The following HTR1F variants were observed in gnomAD, a reference collection of about 807,000 sequenced individuals.
HTR1F encodes the protein 5-hydroxytryptamine (serotonin) receptor 1F, G protein-coupled.
Under a neutral mutation model 24.0 loss-of-function variants are expected in HTR1F, and 17 were observed. That is an observed-to-expected ratio of 0.71 (90% CI 0.48 to 1.06). The LOEUF (loss-of-function observed/expected upper bound fraction) is 1.06. Among genes scored for constraint, HTR1F ranks in the 50% least tolerant of loss-of-function variants. The pLI is 0.00. For synonymous variants in HTR1F, 186 were observed against 156.8 expected, an observed-to-expected ratio of 1.19 and a Z score of -1.39; for missense variants, 391 against 427.8, an observed-to-expected ratio of 0.91 and a Z score of 0.76.
intron 2 of HTR1F, among the ~76,000 whole-genome samples, chr3:87,931,303 G>C (rs1331402433): frequency 2.0e-5 from 3 of 151,932 alleles, no homozygotes; most frequent in South Asian, 2.1e-4. Flanking sequence ...GCGGTGTTTG[G>C]TTTTTTGTCC....
At chr3:87,811,163 T>A (rs563425886) in intron 1 of HTR1F, among the ~76,000 whole-genome samples, 23 of 152,242 alleles carry the variant, frequency 1.5e-4, no homozygotes, top group African/African-American at 5.5e-4. Flanking sequence ...TGAACCATAG[T>A]GGCAAAATTG....
At chr3:87,885,651 A>T (rs560461321) in intron 2 of HTR1F, among the ~76,000 whole-genome samples, 1 of 152,288 alleles carries the variant, frequency 6.6e-6, no homozygotes, top group South Asian at 2.1e-4. Flanking sequence ...AAAATGATAA[A>T]GGGGATATCA....
intron 1 of HTR1F, among the ~76,000 whole-genome samples, chr3:87,803,618 A>T (rs1470250967): frequency 2.0e-5 from 3 of 152,182 alleles, no homozygotes; most frequent in Non-Finnish European, 4.4e-5. Flanking sequence ...CATAAGATAC[A>T]AAATATGTAC....
intron 2 of HTR1F, among the ~76,000 whole-genome samples, chr3:87,868,690 G>A (rs933847168): frequency 1.3e-5 from 2 of 151,848 alleles, no homozygotes; most frequent in African/African-American, 4.8e-5. Flanking sequence ...AAAAACCTCT[G>A]TCTACTATTA....
intron 2 of HTR1F, among the ~76,000 whole-genome samples, chr3:87,840,608 A>C: frequency 6.6e-6 from 1 of 152,162 alleles, no homozygotes; most frequent in Admixed American, 6.5e-5. Context: ...GTATACCCAA[A>C]GTACTTGAAA....
At chr3:87,939,128 A>G (rs1222223168) in intron 2 of HTR1F, among the ~76,000 whole-genome samples, 1 of 152,222 alleles carries the variant, frequency 6.6e-6, no homozygotes, top group East Asian at 1.9e-4. Context: ...CTATTGAGAT[A>G]ATCGTGTAGT....
intron 2 of HTR1F, among the ~76,000 whole-genome samples, chr3:87,907,837 CAAAG>C (rs923350802): frequency 1.3e-5 from 2 of 151,706 alleles, no homozygotes; most frequent in African/African-American, 4.8e-5. Context: ...AATGGAATAG[CAAAG>C]AAAGAATAAT....
At chr3:87,905,467 CT>C (rs1008695273) in intron 2 of HTR1F, among the ~76,000 whole-genome samples, 1 of 151,912 alleles carries the variant, frequency 6.6e-6, no homozygotes, top group South Asian at 2.1e-4. Context: ...TATACATTTT[CT>C]TTTTCCTCAT....
intron 2 of HTR1F, among the ~76,000 whole-genome samples, chr3:87,927,242 A>T (rs1704147689): frequency 1.3e-5 from 2 of 152,216 alleles, no homozygotes; most frequent in South Asian, 2.1e-4. Context: ...GTTAAAAGAC[A>T]GTTATGTCCT....
chr3:87,993,814 T>C lies in HTR1F; in HGVS notation c.*1964T>C, dbSNP rs1705888850. 6.2e-6 allele frequency: 1 copy of C among 161,034 alleles called. No homozygotes were observed. The allele number at this position is 161,034 out of a possible 1,614,324, so 10.0% of individuals were successfully genotyped here. A position where few individuals can be genotyped will look rare whatever the true frequency, so the allele number is the denominator to read the frequency against. On this transcript the variant is annotated 3_prime_UTR_variant, in exon 3 of 3. Coordinates refer to ENST00000319595, the MANE Select transcript of HTR1F (RefSeq NM_001322209.2). ...ACTTTTAGCAAAAATATTACAAGTT[T>C]AGAGCAAATCTAAACAAAAAAGAAA...
intron 1 of HTR1F, among the ~76,000 whole-genome samples, chr3:87,796,883 A>G (rs972070706): frequency 1.1e-4 from 17 of 152,228 alleles, no homozygotes; most frequent in African/African-American, 4.1e-4. Context: ...TAAAAATAAT[A>G]ATAGATGTTC....
intron 1 of HTR1F, among the ~76,000 whole-genome samples, chr3:87,814,343 C>A (rs560436013): frequency 6.6e-6 from 1 of 152,196 alleles, no homozygotes; most frequent in East Asian, 1.9e-4. Flanking sequence ...ATGGCTACAT[C>A]AAGCTAATTA....
At chr3:87,865,591 A>G (rs1705410414) in intron 2 of HTR1F, among the ~76,000 whole-genome samples, 2 of 152,128 alleles carry the variant, frequency 1.3e-5, no homozygotes, top group Admixed American at 1.3e-4. Flanking sequence ...TTGTGTGTCT[A>G]GTTTCTTTCT....
chr3:87,989,451 C>CT (rs963489435), intron 2 of HTR1F, among the ~76,000 whole-genome samples: 2 of 152,124 alleles, frequency 1.3e-5, no homozygotes, highest in African/African-American at 4.8e-5. Flanking sequence ...CTTATTCTAT[C>CT]TTTTTAAACC....
chr3:87,919,562 A>C (rs1461773127), intron 2 of HTR1F, among the ~76,000 whole-genome samples: 1 of 152,138 alleles, frequency 6.6e-6, no homozygotes, highest in Non-Finnish European at 1.5e-5. Context: ...GGCTAAGGAC[A>C]TGAATAAACA....
At chr3:87,864,902 A>AAAAG (rs1553668199) in intron 2 of HTR1F, among the ~76,000 whole-genome samples, 5 of 144,468 alleles carry the variant, frequency 3.5e-5, no homozygotes, top group African/African-American at 1.3e-4. Context: ...AAAAAAAAAA[A>AAAAG]AAAAGAAAAG....
chr3:87,968,632 A>G (rs536029167), intron 2 of HTR1F, among the ~76,000 whole-genome samples: 1 of 152,372 alleles, frequency 6.6e-6, no homozygotes, highest in South Asian at 2.1e-4. Context: ...AAAGGGAAGC[A>G]GAGCATTAAA....
intron 2 of HTR1F, among the ~76,000 whole-genome samples, chr3:87,986,548 T>G (rs530309937): frequency 1.3e-5 from 2 of 152,320 alleles, no homozygotes; most frequent in Admixed American, 1.3e-4. Context: ...CTTAGGGAAA[T>G]CCATTGAATT....
intron 1 of HTR1F, among the ~76,000 whole-genome samples, chr3:87,817,188 T>A (rs905244094): frequency 2.6e-5 from 4 of 152,162 alleles, no homozygotes; most frequent in African/African-American, 9.7e-5. Context: ...GGAAAAAGTA[T>A]CAACTTTGCT....
Sources: allele counts gnomAD v4.1 joint callset (sites outside exome capture counted in the v4.1 genomes callset), GRCh38; gene constraint gnomAD v4.1.1; transcripts MANE v1.5; gene names NCBI Gene and HGNC (gene_info 2026-07-23, HGNC 2026-07-21).